The following FBXL17 variants were observed in gnomAD, a reference collection of about 807,000 sequenced individuals.
The protein encoded by FBXL17 is F-box and leucine rich repeat protein 17.
Under a neutral mutation model 66.2 loss-of-function variants are expected in FBXL17, and 22 were observed. That is an observed-to-expected ratio of 0.33 (90% CI 0.24 to 0.47). The LOEUF (loss-of-function observed/expected upper bound fraction) is 0.47, where lower values mean the gene tolerates loss of function less well. Ranked by LOEUF, FBXL17 falls within the 20% of genes least tolerant of loss-of-function variation. The pLI, the probability that FBXL17 is intolerant of heterozygous loss-of-function variation, is 1.00. For synonymous variants in FBXL17, 474 were observed against 400.5 expected, an observed-to-expected ratio of 1.18 and a Z score of -2.19; for missense variants, 878 against 948.2, an observed-to-expected ratio of 0.93 and a Z score of 0.97.
intron 5 of FBXL17, among the ~76,000 whole-genome samples, chr5:108,220,183 A>C (rs937115111): frequency 6.6e-6 from 1 of 151,964 alleles, no homozygotes; most frequent in South Asian, 2.1e-4. Context: ...GTTATTTAGG[A>C]TTGAATGCAT....
intron 4 of FBXL17, chr5:108,297,878 C>A (rs1133691): frequency 1.1e-6 from 1 of 926,550 alleles, no homozygotes. Context: ...TTACAACAAA[C>A]AAAAAACCTA....
intron 8 of FBXL17, chr5:107,879,958 C>A: frequency 1.1e-6 from 1 of 919,880 alleles, no homozygotes; most frequent in Non-Finnish European, 1.3e-6. Flanking sequence ...TTCTGAGCCT[C>A]CATTTTCTCC....
In FBXL17 at chr5:108,250,000, C is replaced by T. The variant is rs1454881999; in HGVS notation, c.1507-25772G>A. Among the ~76,000 whole-genome samples, 9 of 152,098 alleles carry T rather than the reference C, an allele frequency of 5.9e-5. No individual in the cohort carries two copies. The South Asian group carries it at 1.9e-3, about 32-fold the overall frequency. ...TTTTTGGCATGCAAGAAAAAAGTGACCTTATTATTTTTTAAGAACTGTTTC... is the reference window on the plus strand; with the variant it reads ...TTTTTGGCATGCAAGAAAAAAGTGATCTTATTATTTTTTAAGAACTGTTTC... On this transcript the variant is annotated intron_variant, in intron 4 of 8. Transcript: ENST00000542267.
intron 7 of FBXL17, among the ~76,000 whole-genome samples, chr5:107,897,711 A>T (rs1213252324): frequency 6.6e-6 from 1 of 152,104 alleles, no homozygotes; most frequent in East Asian, 1.9e-4. Flanking sequence ...AGAATTATCA[A>T]TGCTGTGAAA....
intron 6 of FBXL17, among the ~76,000 whole-genome samples, chr5:108,165,494 A>G (rs1752382841): frequency 6.6e-6 from 1 of 152,244 alleles, no homozygotes; most frequent in Non-Finnish European, 1.5e-5. Context: ...TCAATTCTAG[A>G]CCATGAAAGA....
intron 4 of FBXL17, among the ~76,000 whole-genome samples, chr5:108,225,516 G>T (rs567089584): frequency 3.2e-4 from 48 of 152,162 alleles, no homozygotes; most frequent in Non-Finnish European, 6.6e-4. Context: ...GTGAAGACTG[G>T]AGTTATGCTG....
At chr5:108,053,394 G>C (rs1747558389) in intron 6 of FBXL17, among the ~76,000 whole-genome samples, 1 of 151,930 alleles carries the variant, frequency 6.6e-6, no homozygotes, top group South Asian at 2.1e-4. Context: ...GATATGAACA[G>C]ACACTTCTCA....
At chr5:108,326,621 CA>C (rs1168632377) in intron 4 of FBXL17, among the ~76,000 whole-genome samples, 1 of 151,628 alleles carries the variant, frequency 6.6e-6, no homozygotes. Context: ...CAAAAAAAAG[CA>C]AAAGATTTGA....
intron 6 of FBXL17, among the ~76,000 whole-genome samples, chr5:108,148,196 G>T (rs902404375): frequency 6.6e-6 from 1 of 152,100 alleles, no homozygotes; most frequent in Non-Finnish European, 1.5e-5. Context: ...AGTACATATT[G>T]ATTACCTATA....
chr5:108,223,625 G>T (rs1376598812), intron 5 of FBXL17, among the ~76,000 whole-genome samples: 1 of 152,132 alleles, frequency 6.6e-6, no homozygotes, highest in Non-Finnish European at 1.5e-5. Flanking sequence ...CTGGCAGTTT[G>T]ATCATTTCTA....
intron 5 of FBXL17, among the ~76,000 whole-genome samples, chr5:108,215,060 G>C (rs1381933898): frequency 6.6e-6 from 1 of 152,112 alleles, no homozygotes; most frequent in African/African-American, 2.4e-5. Flanking sequence ...TTTCATGGCT[G>C]AATAATATTC....
At chr5:107,896,789 T>C (rs1216820586) in intron 7 of FBXL17, among the ~76,000 whole-genome samples, 1 of 151,980 alleles carries the variant, frequency 6.6e-6, no homozygotes, top group Non-Finnish European at 1.5e-5. Context: ...TAAAGACCAT[T>C]GAAAATAAGA....
intron 6 of FBXL17, among the ~76,000 whole-genome samples, chr5:108,164,294 T>G (rs558254873): frequency 6.6e-6 from 1 of 152,314 alleles, no homozygotes; most frequent in East Asian, 1.9e-4. Context: ...GAAGGTTTGT[T>G]CCTGTTAGAA....
chr5:108,158,789 T>C (rs564059361), intron 6 of FBXL17, among the ~76,000 whole-genome samples: 1 of 152,142 alleles, frequency 6.6e-6, no homozygotes, highest in Non-Finnish European at 1.5e-5. Context: ...TACAGCAAAC[T>C]AGGCTCAGTA....
rs529409135 is a variant in FBXL17, at chr5:108,047,323, C to A, written c.1746-26322G>T. Among the ~76,000 whole-genome samples, 30 of 152,264 alleles carry A rather than the reference C, an allele frequency of 2.0e-4. No homozygotes were observed. The East Asian group carries it at 2.9e-3, about 15-fold the overall frequency. ...TGTGCAACCCACAGATCAGAAGATCCCAGTCGTGAACCTACACCACGGGGA... is the reference window on the plus strand; with the variant it reads ...TGTGCAACCCACAGATCAGAAGATCACAGTCGTGAACCTACACCACGGGGA... On this transcript the variant is annotated intron_variant, in intron 6 of 8. Coordinates refer to ENST00000542267, the MANE Select transcript of FBXL17 (RefSeq NM_001163315.3).
chr5:108,233,892 A>G (rs1374990367), intron 4 of FBXL17, among the ~76,000 whole-genome samples: 1 of 152,132 alleles, frequency 6.6e-6, no homozygotes, highest in Non-Finnish European at 1.5e-5. Flanking sequence ...AGAGGAGGAG[A>G]ATGTTGGTTC....
intron 4 of FBXL17, among the ~76,000 whole-genome samples, chr5:108,225,838 T>A (rs1212275901): frequency 5.3e-5 from 8 of 152,198 alleles, no homozygotes; most frequent in Non-Finnish European, 1.0e-4. Context: ...ATCTCAATTA[T>A]CCCAGCATTT....
chr5:108,037,459 T>C (rs1463671220), intron 6 of FBXL17, among the ~76,000 whole-genome samples: 1 of 152,192 alleles, frequency 6.6e-6, no homozygotes, highest in Non-Finnish European at 1.5e-5. Flanking sequence ...AACAATATAG[T>C]TTAAAGGTAC....
chr5:108,065,252 G>A (rs1012166153), intron 6 of FBXL17, among the ~76,000 whole-genome samples: 17 of 152,034 alleles, frequency 1.1e-4, no homozygotes, highest in African/African-American at 3.9e-4. Flanking sequence ...CTGTTTTCAT[G>A]TTTTGCTTCT....
Sources: gnomAD v4.1 joint callset for allele counts (sites outside exome capture counted in the v4.1 genomes callset) on GRCh38, gnomAD v4.1.1 for gene constraint, MANE v1.5 for transcripts, NCBI Gene and HGNC (gene_info 2026-07-23, HGNC 2026-07-21) for gene names.